CDH12: variants seen among roughly 807,000 people sequenced by gnomAD.
The protein encoded by CDH12 is cadherin-12.
In CDH12, 41 loss-of-function variants were observed where a neutral mutation model predicts 74.1. That is an observed-to-expected ratio of 0.55 (90% CI 0.43 to 0.72). The LOEUF is 0.72. CDH12 is among the 30% of genes least tolerant of loss of function. The probability of loss-of-function intolerance (pLI) is 0.00; values close to 1 mark genes in which losing one functional copy is unlikely to be tolerated. For synonymous variants in CDH12, 399 were observed against 355.0 expected (o/e 1.12, Z -1.39); for missense variants, 945 against 977.2 (o/e 0.97, Z 0.44).
chr5:21,933,902 T>A (rs188192632), intron 6 of CDH12, among the ~76,000 whole-genome samples: 2 of 148,536 alleles, frequency 1.3e-5, no homozygotes, highest in Non-Finnish European at 3.1e-5. Flanking sequence ...TGTAATCAGA[T>A]AGAAGATAAA....
intron 4 of CDH12, among the ~76,000 whole-genome samples, chr5:22,194,580 G>A (rs1750517799): frequency 6.6e-6 from 1 of 152,020 alleles, no homozygotes; most frequent in Non-Finnish European, 1.5e-5. Context: ...GATCCGCCCA[G>A]CTCAGCCTCC....
chr5:22,682,410 T>C (rs186897968), intron 1 of CDH12, among the ~76,000 whole-genome samples: 49 of 152,214 alleles, frequency 3.2e-4, no homozygotes, highest in Middle Eastern at 3.4e-3. Context: ...TATTAATATA[T>C]GTATGATTGT....
intron 2 of CDH12, among the ~76,000 whole-genome samples, chr5:22,484,290 A>C (rs553997454): frequency 2.4e-4 from 37 of 152,236 alleles, no homozygotes; most frequent in African/African-American, 8.2e-4. Context: ...AAAGTGAGGG[A>C]TTTCACGGGT....
chr5:22,506,316 G>T (rs765929752), intron 1 of CDH12, among the ~76,000 whole-genome samples: 7 of 152,018 alleles, frequency 4.6e-5, no homozygotes, highest in Non-Finnish European at 7.4e-5. Flanking sequence ...CCTTGTTTGT[G>T]TATTCATTTA....
chr5:22,030,017 A>G (rs1738698614), intron 5 of CDH12, among the ~76,000 whole-genome samples: 1 of 151,894 alleles, frequency 6.6e-6, no homozygotes, highest in Non-Finnish European at 1.5e-5. Flanking sequence ...GCAAGGACAA[A>G]AAACCAAACA....
chr5:22,587,791 A>G (rs1232958702), intron 1 of CDH12, among the ~76,000 whole-genome samples: 1 of 151,846 alleles, frequency 6.6e-6, no homozygotes, highest in Non-Finnish European at 1.5e-5. Flanking sequence ...CTTTTCTATG[A>G]ATCAACATTC....
At chr5:22,149,369 G>A (rs1204518260) in intron 4 of CDH12, among the ~76,000 whole-genome samples, 1 of 152,080 alleles carries the variant, frequency 6.6e-6, no homozygotes, top group African/African-American at 2.4e-5. Flanking sequence ...GCTTTACTGG[G>A]TGACTGTCTT....
At chr5:22,840,151 C>T (rs1187956830) in intron 1 of CDH12, among the ~76,000 whole-genome samples, 3 of 152,022 alleles carry the variant, frequency 2.0e-5, no homozygotes, top group Admixed American at 6.6e-5. Context: ...GAGACAGTCT[C>T]GCTTTATCAC....
chr5:22,022,334 T>C (rs1014218763), intron 5 of CDH12, among the ~76,000 whole-genome samples: 1 of 152,046 alleles, frequency 6.6e-6, no homozygotes, highest in Non-Finnish European at 1.5e-5. Flanking sequence ...TAAAAGTGTG[T>C]AGTACTTCCT....
intron 4 of CDH12, among the ~76,000 whole-genome samples, chr5:22,086,339 A>T (rs1743065981): frequency 1.3e-5 from 2 of 151,302 alleles, no homozygotes; most frequent in Non-Finnish European, 2.9e-5. Context: ...TTATTTATTT[A>T]TTTATTTTTT....
chr5:22,137,812 A>G (rs1215856094), intron 4 of CDH12, among the ~76,000 whole-genome samples: 2 of 152,094 alleles, frequency 1.3e-5, no homozygotes, highest in Non-Finnish European at 2.9e-5. Context: ...GGCCCCATGG[A>G]CCAGCAATAA....
At chr5:22,488,880 T>G in intron 2 of CDH12, among the ~76,000 whole-genome samples, 1 of 151,918 alleles carries the variant, frequency 6.6e-6, no homozygotes, top group Non-Finnish European at 1.5e-5. Flanking sequence ...CCATGTGGCA[T>G]GGCATGGCCC....
chr5:22,680,513 T>A (rs1171745108), intron 1 of CDH12, among the ~76,000 whole-genome samples: 1 of 152,088 alleles, frequency 6.6e-6, no homozygotes, highest in Non-Finnish European at 1.5e-5. Context: ...GCTCATAGCA[T>A]GTTGATGACT....
At chr5:22,752,580 T>TC (rs1745643666) in intron 1 of CDH12, among the ~76,000 whole-genome samples, 1 of 17,610 alleles carries the variant, frequency 5.7e-5, no homozygotes, top group Non-Finnish European at 1.2e-4. Flanking sequence ...TTTTCTTTTT[T>TC]TTTTTTTTTG....
chr5:22,180,552 G>A (rs976478716), intron 4 of CDH12, among the ~76,000 whole-genome samples: 4 of 150,554 alleles, frequency 2.7e-5, no homozygotes, highest in East Asian at 1.9e-4. Flanking sequence ...TCACTTTGTC[G>A]CCCAAGCTGG....
Position 21,755,618 on chromosome 5 carries a change from T to A in CDH12, c.1858A>T (p.Ile620Phe), listed in dbSNP as rs780488536. ...AAGAGTATAACAATGCATAGTAGAA[T>A]TGCAATCAACGCCCCAGTGCTAAGT... ...VGLSTGALIA[I>F]LLCIVILLAI... is the part of the protein sequence containing the mutation. Residue 620 changes from isoleucine to phenylalanine, a missense_variant, in exon 14 of 15, where the codon ATT (isoleucine) becomes TTT (phenylalanine). Ile to Phe is a conservative substitution (Grantham distance 21). Coordinates refer to ENST00000382254, the MANE Select transcript of CDH12 (RefSeq NM_004061.5). 1.1e-5 allele frequency: 17 copies of A among 1,613,834 alleles called. No individual in the cohort carries two copies. In the Admixed American group the frequency reaches 1.8e-4, roughly 17 times the overall value.
At chr5:22,637,602 T>A (rs1738909132) in intron 1 of CDH12, among the ~76,000 whole-genome samples, 1 of 152,230 alleles carries the variant, frequency 6.6e-6, no homozygotes, top group Non-Finnish European at 1.5e-5. Context: ...AGATTGCGCT[T>A]CCTCTCTTAG....
chr5:21,835,952 G>T, intron 8 of CDH12, among the ~76,000 whole-genome samples: 1 of 151,638 alleles, frequency 6.6e-6, no homozygotes, highest in East Asian at 1.9e-4. Flanking sequence ...TAAATCTACA[G>T]GAGAAGAAAA....
chr5:22,251,908 C>T (rs190309672), intron 3 of CDH12, among the ~76,000 whole-genome samples: 22 of 152,022 alleles, frequency 1.4e-4, no homozygotes, highest in African/African-American at 5.3e-4. Flanking sequence ...TTAAAAATAC[C>T]CCCATACTAT....
Sources: gnomAD v4.1 joint callset for allele counts (sites outside exome capture counted in the v4.1 genomes callset) on GRCh38, gnomAD v4.1.1 for gene constraint, MANE v1.5 for transcripts, NCBI Gene and HGNC (gene_info 2026-07-23, HGNC 2026-07-21) for gene names.